The following TRIM2 variants were observed in gnomAD, a reference collection of about 807,000 sequenced individuals.
TRIM2 encodes tripartite motif-containing protein 2.
A neutral mutation model predicts 75.2 loss-of-function variants in TRIM2; 20 were observed. The observed-to-expected ratio is 0.27, with a 90% CI of 0.19 to 0.39. TRIM2 has a LOEUF of 0.39. Ranked by LOEUF, TRIM2 falls within the 10% of genes least tolerant of loss-of-function variation. TRIM2 has a pLI of 1.00. For missense variants in TRIM2, 660 were observed against 990.8 expected, an observed-to-expected ratio of 0.67 and a Z score of 4.48; for synonymous variants, 373 against 388.3, an observed-to-expected ratio of 0.96 and a Z score of 0.46.
intron 1 of TRIM2, among the ~76,000 whole-genome samples, chr4:153,198,703 G>A (rs909085058): frequency 9.9e-5 from 15 of 152,112 alleles, no homozygotes; most frequent in African/African-American, 3.1e-4. Context: ...AAATCAGAAA[G>A]CAATTTAATG....
chr4:153,295,620 C>T lies in TRIM2; in HGVS notation c.1094C>T (p.Thr365Ile). 1 of 1,614,010 alleles carries T rather than the reference C, an allele frequency of 6.2e-7. No individual in the cohort carries two copies. The highest frequency in any genetic ancestry group is 8.5e-7 in the Non-Finnish European group (1 of 1,180,020). The change falls in exon 6 of 12, where the codon ACC becomes ATC. Residue 365 changes from threonine to isoleucine, a missense_variant. Around this residue, in one of 2 missense-constraint regions of TRIM2, gnomAD observed 620 missense variants for 891.0 expected, o/e 0.70. Transcript: ENST00000338700. The surrounding 1 kb of genome is among the most constrained non-coding windows in gnomAD (Gnocchi z 7.2). Reference sequence around the variant, plus strand: ...GCCACGGGCGAGGGGCTGCGGCAGACCATCATCGGGCAGCCCATGTCCGTC... The same window carrying T: ...GCCACGGGCGAGGGGCTGCGGCAGATCATCATCGGGCAGCCCATGTCCGTC... ...TVATGEGLRQ[T>I]IIGQPMSVTI...
intron 1 of TRIM2, among the ~76,000 whole-genome samples, chr4:153,232,656 G>C (rs1361914412): frequency 6.6e-6 from 1 of 152,132 alleles, no homozygotes; most frequent in African/African-American, 2.4e-5. Context: ...GGTTGGGGCG[G>C]GGGTGGAGAA....
At chr4:153,179,297 A>C (rs1731800544) in intron 1 of TRIM2, among the ~76,000 whole-genome samples, 1 of 149,900 alleles carries the variant, frequency 6.7e-6, no homozygotes, top group Non-Finnish European at 1.5e-5. Flanking sequence ...TTAATACTTA[A>C]ATTTATGTTA....
At position 153,335,142 on chromosome 4, in the gene TRIM2, A is replaced by AATTTT; in HGVS notation, c.*176_*177insATTTT. 7.8e-7 allele frequency: 1 copy of AATTTT among 1,283,660 alleles called. No individual in the cohort carries two copies. The highest frequency in any genetic ancestry group is 3.7e-5 in the Admixed American group (1 of 27,034). 79.5% of individuals were successfully genotyped at this position (1,283,660 alleles called of 1,614,324 possible). On this transcript the variant is annotated 3_prime_UTR_variant, in exon 12 of 12. Coordinates refer to ENST00000338700, the MANE Select transcript of TRIM2 (RefSeq NM_015271.5). Reference sequence around the variant, plus strand: ...TAAAAATGACTTATCCAATTTCTGTATTTCACCTTTAGGGTTAAAAAAAAC... The same window carrying AATTTT: ...TAAAAATGACTTATCCAATTTCTGTAATTTTTTTCACCTTTAGGGTTAAAAAAAAC...
intron 1 of TRIM2, among the ~76,000 whole-genome samples, chr4:153,239,832 C>CTTTTTTTTTTTTT (rs142457664): frequency 5.0e-5 from 7 of 139,448 alleles, no homozygotes; most frequent in South Asian, 2.2e-4. Context: ...AACTTTCTTT[C>CTTTTTTTTTTTTT]TCTTTTTTTT....
In TRIM2 at chr4:153,337,146, T is replaced by C; in HGVS notation, c.*2180T>C. On this transcript the variant is annotated 3_prime_UTR_variant, in exon 12 of 12. Coordinates refer to ENST00000338700, the MANE Select transcript of TRIM2 (RefSeq NM_015271.5). The stretch of plus-strand genomic sequence containing the variant: ...AAGACAGGCTAGACTCTTGTCTAGA[T>C]TGTTTAAAAGAAACTTTTCAAATTG... 1.0e-6 allele frequency: 1 copy of C among 985,448 alleles called. No individual in the cohort carries two copies. The allele number at this position is 985,448 out of a possible 1,614,324, so 61.0% of individuals were successfully genotyped here.
intron 6 of TRIM2, among the ~76,000 whole-genome samples, chr4:153,296,411 C>G (rs1762779214): frequency 6.6e-6 from 1 of 152,186 alleles, no homozygotes; most frequent in African/African-American, 2.4e-5. Context: ...TCCCCCTAAC[C>G]CCCACCACCA....
chr4:153,325,382 C>G (rs1296995077), intron 10 of TRIM2, among the ~76,000 whole-genome samples: 1 of 152,172 alleles, frequency 6.6e-6, no homozygotes, highest in Non-Finnish European at 1.5e-5. Context: ...TAGGTCCCCC[C>G]TACACTCAAA....
At chr4:153,177,889 C>T (rs1731634701) in intron 1 of TRIM2, among the ~76,000 whole-genome samples, 1 of 152,026 alleles carries the variant, frequency 6.6e-6, no homozygotes, top group South Asian at 2.1e-4. Flanking sequence ...GCAACCTCCA[C>T]CTCCAGGACT....
intron 1 of TRIM2, among the ~76,000 whole-genome samples, chr4:153,259,274 T>C (rs1752820049): frequency 6.6e-6 from 1 of 152,226 alleles, no homozygotes; most frequent in African/African-American, 2.4e-5. Flanking sequence ...TTCATGGATT[T>C]TGTTGCTTGT....
At chr4:153,282,071 A>G (rs1391295882) in intron 3 of TRIM2, among the ~76,000 whole-genome samples, 5 of 152,358 alleles carry the variant, frequency 3.3e-5, no homozygotes, top group African/African-American at 1.2e-4. Flanking sequence ...GGATCCTGCC[A>G]GTCTCTTCTG....
At chr4:153,292,842 C>A in intron 3 of TRIM2, 140 bp from the exon 4 acceptor site, 1 of 874,338 alleles carries the variant, frequency 1.1e-6, no homozygotes, top group Non-Finnish European at 1.7e-6. Context: ...TCCTTTTCTC[C>A]TGTGAAGCTG....
Position 153,308,280 on chromosome 4 carries a change from T to C in TRIM2, c.1511-7205T>C, listed in dbSNP as rs1265701964. The C allele has an allele frequency of 5.2e-6, 8 of 1,548,224 alleles. No homozygotes were observed. The East Asian group carries it at 1.8e-4, about 35-fold the overall frequency. ...CAGCTTGCAGAAGTCACCAGATGTG[T>C]CCGAAATAATGTCCTTCTCCAGATC... On this transcript the variant is annotated intron_variant, in intron 6 of 11. Coordinates refer to ENST00000338700, the MANE Select transcript of TRIM2 (RefSeq NM_015271.5).
At chr4:153,312,810 C>A (rs886513584) in intron 6 of TRIM2, among the ~76,000 whole-genome samples, 18 of 150,492 alleles carry the variant, frequency 1.2e-4, no homozygotes, top group Admixed American at 3.9e-4. Flanking sequence ...TCTTAAGAGA[C>A]CCTGGCTTGT....
At chr4:153,275,127 C>T (rs1045684987) in intron 2 of TRIM2, among the ~76,000 whole-genome samples, 3 of 152,216 alleles carry the variant, frequency 2.0e-5, no homozygotes, top group Non-Finnish European at 4.4e-5. Flanking sequence ...GTATCTTGGA[C>T]AAGTACGCTG....
chr4:153,273,572 C>T (rs1374782404), intron 2 of TRIM2, among the ~76,000 whole-genome samples: 2 of 150,570 alleles, frequency 1.3e-5, no homozygotes, highest in African/African-American at 2.5e-5. Context: ...GCATTACAGG[C>T]GTGAGCCACC....
intron 1 of TRIM2, among the ~76,000 whole-genome samples, chr4:153,256,592 A>G (rs1319515057): frequency 2.0e-5 from 3 of 152,236 alleles, no homozygotes; most frequent in African/African-American, 7.2e-5. Context: ...AATCACTATC[A>G]TATGGCTACT....
intron 1 of TRIM2, among the ~76,000 whole-genome samples, chr4:153,247,968 T>C (rs1025411349): frequency 5.9e-5 from 9 of 151,498 alleles, no homozygotes; most frequent in African/African-American, 1.9e-4. Context: ...TCTGACTGCT[T>C]ATGATGCATC....
At position 153,255,593 on chromosome 4, in the gene TRIM2, C is replaced by T. The variant is rs189570440; in HGVS notation, c.31-14742C>T. Among the ~76,000 whole-genome samples the T allele has an allele frequency of 2.7e-4, 41 of 152,250 alleles. 1 individual carries two copies. In the East Asian group the frequency reaches 6.8e-3, roughly 25 times the overall value. On this transcript the variant is annotated intron_variant, in intron 1 of 11. Coordinates refer to ENST00000338700, the MANE Select transcript of TRIM2 (RefSeq NM_015271.5). ...CTGCTTCCAGTTTTAGAAGTGGGTC[C>T]TAATTAAACTGTAAACTTCTAAAGC... is the stretch of plus-strand genomic sequence containing the variant.
Sources: gnomAD v4.1 joint callset for allele counts (sites outside exome capture counted in the v4.1 genomes callset) on GRCh38, gnomAD v4.1.1 for gene constraint, gnomAD v4.1.1 regional missense constraint, Gnocchi (gnomAD v3.1) non-coding constraint, MANE v1.5 for transcripts, NCBI Gene and HGNC (gene_info 2026-07-23, HGNC 2026-07-21) for gene names.